Variants in NSRP1 observed in about 807,000 individuals in gnomAD.
NSRP1 encodes coiled-coil domain containing 55.
In NSRP1, 24 loss-of-function variants were observed where a neutral mutation model predicts 54.7. The observed-to-expected ratio is 0.44, with a 90% confidence interval of 0.32 to 0.62. The LOEUF (loss-of-function observed/expected upper bound fraction) is 0.62, where lower values mean the gene tolerates loss of function less well. Ranked by LOEUF, NSRP1 falls within the 20% of genes least tolerant of loss-of-function variation. The pLI is 0.06. For missense variants in NSRP1, 596 were observed against 651.2 expected (o/e 0.92, Z 0.92); for synonymous variants, 210 against 213.8 (o/e 0.98, Z 0.15).
chr17:30,127,329 A>G (rs890458812), intron 2 of NSRP1, among the ~76,000 whole-genome samples: 2 of 152,182 alleles, frequency 1.3e-5, no homozygotes, highest in Non-Finnish European at 2.9e-5. Context: ...TGAAATGTTT[A>G]TTTCTAAACA....
chr17:30,146,709 C>T (rs1284495234), intron 2 of NSRP1, among the ~76,000 whole-genome samples: 1 of 152,178 alleles, frequency 6.6e-6, no homozygotes, highest in Non-Finnish European at 1.5e-5. Context: ...AATCTTGGCT[C>T]ACTGCCACCT....
At chr17:30,139,733 C>CA (rs1448002942) in intron 2 of NSRP1, among the ~76,000 whole-genome samples, 27 of 151,962 alleles carry the variant, frequency 1.8e-4, no homozygotes, top group Middle Eastern at 3.4e-3. Flanking sequence ...AATACTGAGA[C>CA]ACTATTTGAG....
intron 6 of NSRP1, among the ~76,000 whole-genome samples, chr17:30,183,591 C>A (rs1212101375): frequency 6.6e-6 from 1 of 152,096 alleles, no homozygotes; most frequent in African/African-American, 2.4e-5. Flanking sequence ...GCCAGTAATT[C>A]CTGGAGAACC....
intron 2 of NSRP1, among the ~76,000 whole-genome samples, chr17:30,136,506 T>C (rs1215924534): frequency 6.6e-6 from 1 of 152,242 alleles, no homozygotes; most frequent in African/African-American, 2.4e-5. Context: ...TGGTTTACCA[T>C]ATTTTATCAA....
chr17:30,125,353 C>T (rs1274197552), intron 2 of NSRP1, among the ~76,000 whole-genome samples: 3 of 152,172 alleles, frequency 2.0e-5, no homozygotes, highest in Non-Finnish European at 4.4e-5. Flanking sequence ...GCATTTGATA[C>T]ACCTGGAAAG....
Position 30,185,222 on chromosome 17 carries a change from G to T in NSRP1, c.1225G>T (p.Glu409Ter). The T allele has an allele frequency of 6.3e-7, 1 of 1,576,452 alleles. No individual in the cohort carries two copies. Among genetic ancestry groups the T allele is most frequent in the South Asian group, 1.2e-5 (1 of 86,782 alleles). The change falls in exon 7 of 7, where the codon GAG (glutamate) becomes TAG (stop). Residue 409 changes from glutamate to a stop codon, truncating the protein, a stop_gained. Coordinates refer to ENST00000247026, the MANE Select transcript of NSRP1 (RefSeq NM_032141.4). LOFTEE classifies it high-confidence loss of function. ...NDQNRPSEKG[E>*]KEEKSKAKEE... Reference sequence around the variant, plus strand: ...TCAGAACCGACCCAGTGAGAAAGGAGAGAAGGAAGAGAAAAGCAAAGCAAA... The same window carrying T: ...TCAGAACCGACCCAGTGAGAAAGGATAGAAGGAAGAGAAAAGCAAAGCAAA...
chr17:30,131,631 CTTT>C (rs1230636198), intron 2 of NSRP1, among the ~76,000 whole-genome samples: 2 of 152,124 alleles, frequency 1.3e-5, no homozygotes, highest in African/African-American at 2.4e-5. Flanking sequence ...CAGCAATAAT[CTTT>C]TTGCTGGTGG....
intron 3 of NSRP1, among the ~76,000 whole-genome samples, chr17:30,176,269 C>T (rs1387065866): frequency 6.6e-6 from 1 of 152,096 alleles, no homozygotes; most frequent in African/African-American, 2.4e-5. Context: ...TACTCAAGTG[C>T]TCCCCTACAG....
At chr17:30,139,580 A>G (rs1440567749) in intron 2 of NSRP1, among the ~76,000 whole-genome samples, 6 of 151,490 alleles carry the variant, frequency 4.0e-5, no homozygotes, top group Non-Finnish European at 8.8e-5. Flanking sequence ...ATTGGCCTGT[A>G]GTTTTCTTGT....
chr17:30,182,573 C>T (rs1465432626), intron 6 of NSRP1, among the ~76,000 whole-genome samples: 4 of 152,094 alleles, frequency 2.6e-5, no homozygotes, highest in African/African-American at 7.2e-5. Flanking sequence ...ACTCGGGAGG[C>T]GGAGATTGCA....
chr17:30,122,386 T>TA (rs1329288159), intron 2 of NSRP1: 86 of 7,100 alleles, frequency 0.012, no homozygotes, highest in East Asian at 0.038. Context: ...TATATATATA[T>TA]TTTTTTTTTT....
At chr17:30,183,788 G>A (rs1247316067) in intron 6 of NSRP1, among the ~76,000 whole-genome samples, 1 of 152,186 alleles carries the variant, frequency 6.6e-6, no homozygotes, top group East Asian at 1.9e-4. Context: ...TGTGATAGGT[G>A]CCAAGGAGTG....
At chr17:30,122,017 G>T (rs61240589) in intron 2 of NSRP1, among the ~76,000 whole-genome samples, 57,811 of 151,752 alleles carry the variant, frequency 0.38, 13,494 homozygotes, top group East Asian at 0.82. Context: ...TGTTTCTATG[G>T]GTTTCCCTAT....
chr17:30,129,244 A>G (rs1262588323), intron 2 of NSRP1, among the ~76,000 whole-genome samples: 4 of 152,152 alleles, frequency 2.6e-5, no homozygotes. Context: ...CATGAGGTAG[A>G]TGAAATAAGG....
Position 30,178,155 on chromosome 17 carries a change from A to T in NSRP1, c.256A>T (p.Lys86Ter), listed in dbSNP as rs1395705345. The change falls in exon 4 of 7, where the codon AAG (lysine) becomes TAG (stop). Residue 86 changes from lysine to a stop codon, truncating the protein, a stop_gained. Coordinates refer to ENST00000247026, the MANE Select transcript of NSRP1 (RefSeq NM_032141.4). LOFTEE classifies it high-confidence loss of function. ...DSIYDEMQKK[K>*]EENNPKLLLG... ...TATTTATGATGAAATGCAGAAAAAA[A>T]AGGAGGAAAATAATCCCAAATTGCT... 2 of 1,610,496 alleles carry T rather than the reference A, an allele frequency of 1.2e-6. No individual in the cohort carries two copies. The highest frequency in any genetic ancestry group is 1.7e-6 in the Non-Finnish European group (2 of 1,179,092).
chr17:30,124,403 G>C (rs1597593111), intron 2 of NSRP1, among the ~76,000 whole-genome samples: 1 of 152,392 alleles, frequency 6.6e-6, no homozygotes, highest in Non-Finnish European at 1.5e-5. Flanking sequence ...GTGTTAGCTA[G>C]CCAGTGGGTA....
Position 30,184,966 on chromosome 17 carries a change from G to A in NSRP1, c.969G>A (p.Lys323=). Residue 323 remains lysine (K), a synonymous_variant, in exon 7 of 7, where the codon AAG becomes AAA. Transcript: ENST00000247026. ...AAAGGGAAGATCAGCACCAGCAGAAGCAATCCAGAGACCAAGAGAACCATT... is the reference window on the plus strand; with the variant it reads ...AAAGGGAAGATCAGCACCAGCAGAAACAATCCAGAGACCAAGAGAACCATT... ...HEKREDQHQQ[K]QSRDQENHYT... is the part of the protein sequence containing the mutation. 6.2e-7 allele frequency: 1 copy of A among 1,614,042 alleles called. No homozygotes were observed. The highest frequency in any genetic ancestry group is 1.7e-5 in the Admixed American group (1 of 60,000).
chr17:30,118,556 C>T (rs570941676), intron 2 of NSRP1, among the ~76,000 whole-genome samples: 136 of 152,166 alleles, frequency 8.9e-4, no homozygotes, highest in African/African-American at 3.1e-3. Flanking sequence ...TTCTTAACAA[C>T]GCTACTTTTT....
At chr17:30,117,151 A>C in intron 1 of NSRP1, 1 of 724,970 alleles carries the variant, frequency 1.4e-6, no homozygotes, top group South Asian at 1.5e-5. Context: ...GAGGCCCCTC[A>C]GTCTTGCTTC....
Sources: allele counts gnomAD v4.1 joint callset (sites outside exome capture counted in the v4.1 genomes callset), GRCh38; gene constraint gnomAD v4.1.1; transcripts MANE v1.5; gene names NCBI Gene and HGNC (gene_info 2026-07-23, HGNC 2026-07-21).